HSPA12A: variants seen among roughly 807,000 people sequenced by gnomAD.
HSPA12A encodes the protein heat shock 70 kDa protein 12A.
In HSPA12A, 28 loss-of-function variants were observed where a neutral mutation model predicts 69.2. That is an observed-to-expected ratio of 0.40 (90% CI 0.30 to 0.55). The LOEUF (loss-of-function observed/expected upper bound fraction) is 0.55, where lower values mean the gene tolerates loss of function less well. HSPA12A is among the 20% of genes least tolerant of loss of function. The probability of loss-of-function intolerance (pLI) is 0.38; values close to 1 mark genes in which losing one functional copy is unlikely to be tolerated. For missense variants in HSPA12A, 686 were observed against 900.7 expected (o/e 0.76, Z 3.05); for synonymous variants, 345 against 370.5 (o/e 0.93, Z 0.79).
chr10:116,816,919 G>A (rs1246618042), intron 2 of HSPA12A, among the ~76,000 whole-genome samples: 2 of 152,164 alleles, frequency 1.3e-5, no homozygotes, highest in African/African-American at 4.8e-5. Flanking sequence ...CTTGAGCTGT[G>A]TTAAAACAAT....
intron 1 of HSPA12A, among the ~76,000 whole-genome samples, chr10:116,739,384 G>A (rs782609957): frequency 2.0e-5 from 3 of 152,112 alleles, no homozygotes; most frequent in East Asian, 3.8e-4. Flanking sequence ...AAAAGTGAAC[G>A]TTTAAAATGT....
At position 116,683,929 on chromosome 10, in the gene HSPA12A, G is replaced by C. The variant is rs1398154073; in HGVS notation, c.697C>G (p.Leu233Val). Residue 233 changes from leucine to valine, a missense_variant, in exon 7 of 12, where the codon CTC (leucine) becomes GTC (valine). By Grantham distance (32) the Leu-to-Val change is conservative (BLOSUM62 1). Transcript: ENST00000369209. ...GCCTCAGGCTCCAAGGCAATGATGAGCTGCTCCGAGTTCTCGGGGGAGGCC... is the reference window on the plus strand; with the variant it reads ...GCCTCAGGCTCCAAGGCAATGATGACCTGCTCCGAGTTCTCGGGGGAGGCC... ...GLASPENSEQ[L>V]IIALEPEAAS... 6.3e-7 allele frequency: 1 copy of C among 1,586,258 alleles called. No individual in the cohort carries two copies. Among genetic ancestry groups the C allele is most frequent in the Non-Finnish European group, 8.6e-7 (1 of 1,159,012 alleles).
At chr10:116,693,957 C>G (rs1470355104) in intron 5 of HSPA12A, among the ~76,000 whole-genome samples, 6 of 152,184 alleles carry the variant, frequency 3.9e-5, no homozygotes, top group Non-Finnish European at 5.9e-5. Context: ...TGTTTCCTTG[C>G]AGGTCTGCAT....
At chr10:116,772,686 GTTTA>G (rs781977406) in intron 2 of HSPA12A, among the ~76,000 whole-genome samples, 3 of 151,412 alleles carry the variant, frequency 2.0e-5, no homozygotes, top group East Asian at 1.9e-4. Flanking sequence ...TTATTTATTT[GTTTA>G]TTTATTTATT....
intron 1 of HSPA12A, among the ~76,000 whole-genome samples, chr10:116,842,409 T>C (rs113546816): frequency 0.036 from 5,500 of 152,250 alleles, 179 homozygotes; most frequent in Non-Finnish European, 0.048. Flanking sequence ...ATAAGTACAA[T>C]CATATTGTTT....
chr10:116,803,868 C>T (rs573296452), intron 2 of HSPA12A, among the ~76,000 whole-genome samples: 13 of 152,228 alleles, frequency 8.5e-5, no homozygotes, highest in Non-Finnish European at 1.9e-4. Context: ...ACTTTCTCCT[C>T]TAAATCTGGA....
intron 10 of HSPA12A, among the ~76,000 whole-genome samples, chr10:116,678,374 G>GAAA (rs1849302827): frequency 9.8e-6 from 1 of 101,546 alleles, no homozygotes; most frequent in Non-Finnish European, 2.1e-5. Context: ...AAAAAAAAAG[G>GAAA]CTATGGGATA....
chr10:116,726,622 C>T (rs1554885062), intron 1 of HSPA12A, among the ~76,000 whole-genome samples: 1 of 152,120 alleles, frequency 6.6e-6, no homozygotes, highest in Non-Finnish European at 1.5e-5. Flanking sequence ...ACCACCAGGC[C>T]CAAGAGGGGG....
intron 1 of HSPA12A, among the ~76,000 whole-genome samples, chr10:116,835,836 C>T (rs1845699536): frequency 6.6e-6 from 1 of 152,086 alleles, no homozygotes. Context: ...TTACTCATCC[C>T]TGAATTAAAG....
chr10:116,770,709 C>T (rs951814977), intron 2 of HSPA12A, among the ~76,000 whole-genome samples: 1 of 152,184 alleles, frequency 6.6e-6, no homozygotes, highest in African/African-American at 2.4e-5. Context: ...TCTCCTCCAA[C>T]CTCCTGTGCA....
intron 2 of HSPA12A, among the ~76,000 whole-genome samples, chr10:116,762,418 C>T (rs1271177701): frequency 6.6e-6 from 1 of 152,152 alleles, no homozygotes. Context: ...ATCTTGACTT[C>T]CTCTTCATCC....
At chr10:116,828,186 A>G (rs1218894125) in intron 2 of HSPA12A, among the ~76,000 whole-genome samples, 3 of 152,204 alleles carry the variant, frequency 2.0e-5, no homozygotes, top group Non-Finnish European at 4.4e-5. Context: ...CATACTTTAA[A>G]AAGTTCATTT....
upstream of HSPA12A, among the ~76,000 whole-genome samples, chr10:116,743,866 C>A (rs1851586475): frequency 6.6e-6 from 1 of 152,228 alleles, no homozygotes; most frequent in African/African-American, 2.4e-5. Flanking sequence ...AAACCACAGT[C>A]AAGTTATTTA....
intron 2 of HSPA12A, among the ~76,000 whole-genome samples, chr10:116,773,713 C>T (rs1844266032): frequency 6.6e-6 from 1 of 152,222 alleles, no homozygotes; most frequent in South Asian, 2.1e-4. Context: ...GAAGGGATTC[C>T]ACTCAGCTGA....
chr10:116,816,568 T>C (rs1174355513), intron 2 of HSPA12A, among the ~76,000 whole-genome samples: 2 of 152,190 alleles, frequency 1.3e-5, no homozygotes, highest in East Asian at 3.9e-4. Flanking sequence ...TTCCTAACCT[T>C]AAGCTGGTGA....
chr10:116,812,483 A>G (rs1845212087), intron 2 of HSPA12A, among the ~76,000 whole-genome samples: 2 of 151,882 alleles, frequency 1.3e-5, no homozygotes, highest in East Asian at 3.9e-4. Flanking sequence ...TAAATAAAAT[A>G]AAATAAAATC....
At chr10:116,825,688 G>C (rs1162714597) in intron 2 of HSPA12A, among the ~76,000 whole-genome samples, 1 of 152,150 alleles carries the variant, frequency 6.6e-6, no homozygotes, top group Non-Finnish European at 1.5e-5. Context: ...TGGTTTCCCA[G>C]GGCTGGGATT....
chr10:116,687,492 CT>C (rs1849609396), intron 6 of HSPA12A, among the ~76,000 whole-genome samples: 3 of 152,200 alleles, frequency 2.0e-5, no homozygotes, highest in South Asian at 2.1e-4. Flanking sequence ...AGGCAGCGGA[CT>C]CTGCACAAAT....
chr10:116,774,014 C>CT (rs781996886), intron 2 of HSPA12A, among the ~76,000 whole-genome samples: 3,124 of 144,828 alleles, frequency 0.022, 86 homozygotes, highest in African/African-American at 0.069. Flanking sequence ...GTGGCAAGGG[C>CT]TTTTTTTTTT....
Sources: gnomAD v4.1 joint callset for allele counts (sites outside exome capture counted in the v4.1 genomes callset) on GRCh38, gnomAD v4.1.1 for gene constraint, MANE v1.5 for transcripts, NCBI Gene and HGNC (gene_info 2026-07-23, HGNC 2026-07-21) for gene names.